The following AZIN1 variants were observed in gnomAD, a reference collection of about 807,000 sequenced individuals.
AZIN1 encodes antizyme inhibitor 1.
Under a neutral mutation model 47.4 loss-of-function variants are expected in AZIN1, and 12 were observed. The observed-to-expected ratio is 0.25, with a 90% CI of 0.16 to 0.41. The LOEUF (loss-of-function observed/expected upper bound fraction) is 0.41. Ranked by LOEUF, AZIN1 falls within the 10% of genes least tolerant of loss-of-function variation. The pLI, the probability that AZIN1 is intolerant of heterozygous loss-of-function variation, is 1.00. For missense variants in AZIN1, 410 were observed against 532.4 expected, an observed-to-expected ratio of 0.77 and a Z score of 2.26; for synonymous variants, 155 against 176.3, an observed-to-expected ratio of 0.88 and a Z score of 0.96.
At chr8:102,855,230 A>G (rs536115106) in intron 2 of AZIN1, 1 of 151,380 alleles carries the variant, frequency 6.6e-6, no homozygotes, top group Admixed American at 6.6e-5. Context: ...CTAATTTTAT[A>G]TTTTTTTTTA....
chr8:102,863,002 G>C (rs1813811021), intron 1 of AZIN1, among the ~76,000 whole-genome samples: 1 of 152,192 alleles, frequency 6.6e-6, no homozygotes, highest in Non-Finnish European at 1.5e-5. Context: ...TGGCGCGGAC[G>C]GAAAAACGAA....
chr8:102,830,138 C>T, intron 9 of AZIN1: 1 of 425,596 alleles, frequency 2.3e-6, no homozygotes, highest in Non-Finnish European at 4.2e-6. Flanking sequence ...GTAATCCTAG[C>T]ACTTTGTGAG....
chr8:102,857,568 A>G (rs1813371987), intron 2 of AZIN1, among the ~76,000 whole-genome samples: 1 of 152,154 alleles, frequency 6.6e-6, no homozygotes, highest in Non-Finnish European at 1.5e-5. Flanking sequence ...CATATATTTT[A>G]ATACCATATA....
intron 3 of AZIN1, among the ~76,000 whole-genome samples, chr8:102,841,636 G>C (rs1245894325): frequency 6.6e-6 from 1 of 151,924 alleles, no homozygotes; most frequent in African/African-American, 2.4e-5. Flanking sequence ...AGGATGAGGG[G>C]AAGATGAACA....
chr8:102,856,392 C>T (rs1813295964), intron 2 of AZIN1, among the ~76,000 whole-genome samples: 1 of 152,152 alleles, frequency 6.6e-6, no homozygotes, highest in South Asian at 2.1e-4. Context: ...TGCTCCCATT[C>T]CCTCCTACCC....
intron 6 of AZIN1, 46 bp from the exon 7 acceptor site, chr8:102,834,793 A>G (rs1811711703): frequency 7.7e-7 from 1 of 1,297,664 alleles, no homozygotes; most frequent in Non-Finnish European, 1.1e-6. Flanking sequence ...AAAGTTGTAG[A>G]GACACCTCCT....
chr8:102,847,872 G>A (rs111400533), intron 2 of AZIN1, among the ~76,000 whole-genome samples: 3,560 of 152,192 alleles, frequency 0.023, 117 homozygotes, highest in African/African-American at 0.076. Context: ...TGCAATTACC[G>A]GCATGAGCCA....
At chr8:102,841,691 T>G (rs959234874) in intron 3 of AZIN1, among the ~76,000 whole-genome samples, 2 of 151,178 alleles carry the variant, frequency 1.3e-5, no homozygotes, top group Non-Finnish European at 2.9e-5. Context: ...TTTTGGATAT[T>G]CAATTACTGA....
At chr8:102,852,829 G>A (rs892628262) in intron 2 of AZIN1, among the ~76,000 whole-genome samples, 5 of 152,212 alleles carry the variant, frequency 3.3e-5, no homozygotes, top group Non-Finnish European at 5.9e-5. Flanking sequence ...ACTGGGCATG[G>A]ATGTCCCTGG....
At chr8:102,862,839 T>C (rs1813776042) in intron 1 of AZIN1, among the ~76,000 whole-genome samples, 1 of 152,204 alleles carries the variant, frequency 6.6e-6, no homozygotes, top group Admixed American at 6.5e-5. Context: ...CCCGACTGTT[T>C]CGGGTTTCTG....
chr8:102,840,180 C>A (rs112597146), intron 3 of AZIN1, among the ~76,000 whole-genome samples: 1 of 152,320 alleles, frequency 6.6e-6, no homozygotes, highest in Non-Finnish European at 1.5e-5. Context: ...TTCTCCCATG[C>A]TTCCCCCACT....
intron 1 of AZIN1, among the ~76,000 whole-genome samples, chr8:102,863,111 A>T (rs1038692748): frequency 6.6e-6 from 1 of 152,214 alleles, no homozygotes; most frequent in African/African-American, 2.4e-5. Flanking sequence ...AGCAGCCTCG[A>T]GGCTTCCAGA....
intron 2 of AZIN1, among the ~76,000 whole-genome samples, chr8:102,851,058 G>T (rs1318749246): frequency 1.3e-5 from 2 of 152,188 alleles, no homozygotes. Context: ...AAAATGTCTT[G>T]ACTATTCAAT....
At chr8:102,837,414 G>A (rs75828441) in intron 5 of AZIN1, among the ~76,000 whole-genome samples, 3,339 of 152,200 alleles carry the variant, frequency 0.022, 108 homozygotes, top group African/African-American at 0.074. Context: ...TTCTTTTTGT[G>A]TAACTGTTTT....
At chr8:102,861,229 A>G (rs1813628579) in intron 1 of AZIN1, among the ~76,000 whole-genome samples, 1 of 152,012 alleles carries the variant, frequency 6.6e-6, no homozygotes, top group African/African-American at 2.4e-5. Context: ...TTTCATTATT[A>G]TTATTATTTT....
chr8:102,829,478 C>T lies in AZIN1; in HGVS notation c.1029G>A (p.Lys343=), dbSNP rs1399434785. 6.3e-7 allele frequency: 1 copy of T among 1,598,540 alleles called. No individual in the cohort carries two copies. The highest frequency in any genetic ancestry group is 8.5e-7 in the Non-Finnish European group (1 of 1,175,870). The change falls in exon 11 of 12, where the codon AAG becomes AAA. Residue 343 remains lysine, a synonymous_variant. Coordinates refer to ENST00000337198, the MANE Select transcript of AZIN1 (RefSeq NM_148174.4). The part of the protein sequence containing the change: ...NTIPEVHKKY[K]EDEPLFTSSL... ...TGCTTGTAAACAGAGGCTCATCTTC[C>T]TTGTATTTCTGTAGGAAAAGTTTTA...
rs761151867 is a variant in AZIN1 at position 102,838,755 on chromosome 8, G to A, written c.438C>T (p.His146=). Residue 146 remains histidine (H), a synonymous_variant, in exon 5 of 12, where the codon CAC becomes CAT. Transcript: ENST00000337198. Reference sequence around the variant, plus strand: ...AATTTTATACTTACTTGGCATTTGGGTGATTACGTGCAATTTTCTTCAATT... The same window carrying A: ...AATTTTATACTTACTTGGCATTTGGATGATTACGTGCAATTTTCTTCAATT... ...EIELKKIARN[H]PNAKVLLHIA... The A allele has an allele frequency of 1.9e-6, 3 of 1,611,626 alleles. No homozygotes were observed. The highest frequency in any genetic ancestry group is 1.7e-5 in the Admixed American group (1 of 59,654).
At chr8:102,838,510 T>TA (rs1304565993) in intron 5 of AZIN1, among the ~76,000 whole-genome samples, 2 of 152,204 alleles carry the variant, frequency 1.3e-5, no homozygotes, top group African/African-American at 4.8e-5. Context: ...TGAAGATTAT[T>TA]AGATCATATC....
At position 102,829,795 on chromosome 8, in the gene AZIN1, GTTTTGA is replaced by G; in HGVS notation, c.1020+20_1020+25del. 6.6e-7 allele frequency: 1 copy of G among 1,521,922 alleles called. No homozygotes were observed. Among genetic ancestry groups the G allele is most frequent in the Non-Finnish European group, 9.1e-7 (1 of 1,103,072 alleles). 94.3% of individuals were successfully genotyped at this position (1,521,922 alleles called of 1,614,324 possible). On this transcript the variant is annotated intron_variant, in intron 10 of 11. Coordinates refer to ENST00000337198, the MANE Select transcript of AZIN1 (RefSeq NM_148174.4). The stretch of plus-strand genomic sequence containing the variant: ...GCTCAGCTTATAAAATGCCAAATAG[GTTTTGA>G]TATTTCTGATAAAACTTGCCTTGTG...
Sources: gnomAD v4.1 joint callset for allele counts (sites outside exome capture counted in the v4.1 genomes callset) on GRCh38, gnomAD v4.1.1 for gene constraint, MANE v1.5 for transcripts, NCBI Gene and HGNC (gene_info 2026-07-23, HGNC 2026-07-21) for gene names.